Variants in GREM2 observed in about 807,000 individuals in gnomAD.
GREM2 encodes gremlin-2.
Under a neutral mutation model 14.2 loss-of-function variants are expected in GREM2, and 11 were observed. The ratio of observed to expected loss-of-function variants is 0.78; its 90% CI spans 0.49 to 1.28. The LOEUF is 1.28. GREM2 is among the 50% of genes most tolerant of loss of function. The pLI, the probability that GREM2 is intolerant of heterozygous loss-of-function variation, is 0.00. For synonymous variants in GREM2, 98 were observed against 97.6 expected, an observed-to-expected ratio of 1.00 and a Z score of -0.02; for missense variants, 210 against 218.5, an observed-to-expected ratio of 0.96 and a Z score of 0.24.
intron 1 of GREM2, among the ~76,000 whole-genome samples, chr1:240,522,807 A>T (rs1678133113): frequency 6.6e-6 from 1 of 152,210 alleles, no homozygotes. Context: ...CAACCAATGT[A>T]GATGTCCTTG....
At chr1:240,561,974 T>A (rs1427126961) in intron 1 of GREM2, among the ~76,000 whole-genome samples, 1 of 152,192 alleles carries the variant, frequency 6.6e-6, no homozygotes, top group Non-Finnish European at 1.5e-5. Flanking sequence ...TTTCACCTTG[T>A]AAACCACTTC....
intron 1 of GREM2, chr1:240,588,971 A>C (rs562719824): frequency 6.6e-6 from 1 of 151,916 alleles, no homozygotes; most frequent in South Asian, 2.1e-4. Context: ...TTAAAATTAA[A>C]AATTAGCTGG....
chr1:240,607,056 G>T (rs1004970565), intron 1 of GREM2, among the ~76,000 whole-genome samples: 3 of 152,178 alleles, frequency 2.0e-5, no homozygotes, highest in Non-Finnish European at 2.9e-5. Context: ...ATCTGTAAAT[G>T]AGGATAATAA....
At chr1:240,603,078 G>A (rs372841223) in intron 1 of GREM2, among the ~76,000 whole-genome samples, 17 of 151,764 alleles carry the variant, frequency 1.1e-4, no homozygotes, top group East Asian at 3.9e-4. Flanking sequence ...AGCGAGACTC[G>A]TCTCAAAAAA....
chr1:240,511,786 G>A (rs368130796), intron 1 of GREM2, among the ~76,000 whole-genome samples: 11 of 152,102 alleles, frequency 7.2e-5, no homozygotes, highest in African/African-American at 2.4e-4. Context: ...TTGAGCGTCC[G>A]TGGATTTCAG....
intron 1 of GREM2, among the ~76,000 whole-genome samples, chr1:240,546,829 G>A (rs1678733958): frequency 6.6e-6 from 1 of 152,012 alleles, no homozygotes; most frequent in Non-Finnish European, 1.5e-5. Flanking sequence ...TTACATGTCA[G>A]TAACACGAAG....
At chr1:240,589,435 CAGAAAAAAAGA>C (rs200000791) in intron 1 of GREM2, among the ~76,000 whole-genome samples, 9,299 of 133,626 alleles carry the variant, frequency 0.07, 432 homozygotes, top group African/African-American at 0.16. Flanking sequence ...AACTCCATCT[CAGAAAAAAAGA>C]AAAAAAAAAG....
At chr1:240,506,052 A>G (rs1677670486) in intron 1 of GREM2, among the ~76,000 whole-genome samples, 1 of 152,198 alleles carries the variant, frequency 6.6e-6, no homozygotes. Flanking sequence ...TCAATTAAAA[A>G]GTGTGAGAGG....
chr1:240,560,478 T>C (rs1021656025), intron 1 of GREM2, among the ~76,000 whole-genome samples: 2 of 152,192 alleles, frequency 1.3e-5, no homozygotes, highest in Non-Finnish European at 2.9e-5. Flanking sequence ...TTTAGGACTG[T>C]GTTTAGCACA....
intron 1 of GREM2, among the ~76,000 whole-genome samples, chr1:240,521,517 G>C (rs967570372): frequency 6.6e-6 from 1 of 152,030 alleles, no homozygotes; most frequent in African/African-American, 2.4e-5. Flanking sequence ...CTTACAGTGA[G>C]CCGAGATGGC....
chr1:240,562,944 GAGTGTGTA>G (rs1679086369), intron 1 of GREM2, among the ~76,000 whole-genome samples: 1 of 134,814 alleles, frequency 7.4e-6, no homozygotes, highest in African/African-American at 3.5e-5. Flanking sequence ...GTGAGTGTGT[GAGTGTGTA>G]TGTGTGTGAG....
intron 1 of GREM2, among the ~76,000 whole-genome samples, chr1:240,497,653 T>G (rs540278937): frequency 1.3e-5 from 2 of 150,538 alleles, no homozygotes; most frequent in Non-Finnish European, 1.5e-5. Context: ...AAAAAAAAGT[T>G]TTTTTTTTTT....
chr1:240,504,580 G>T (rs1324014800), intron 1 of GREM2, among the ~76,000 whole-genome samples: 1 of 152,098 alleles, frequency 6.6e-6, no homozygotes, highest in African/African-American at 2.4e-5. Flanking sequence ...CACTCTTATT[G>T]TGGTATATCG....
intron 1 of GREM2, among the ~76,000 whole-genome samples, chr1:240,607,771 T>TA (rs1197817478): frequency 6.6e-6 from 1 of 152,226 alleles, no homozygotes; most frequent in Non-Finnish European, 1.5e-5. Flanking sequence ...AATCAATCAA[T>TA]ATTCCATCAT....
chr1:240,552,643 G>A (rs1300747634), intron 1 of GREM2, among the ~76,000 whole-genome samples: 1 of 152,178 alleles, frequency 6.6e-6, no homozygotes, highest in Non-Finnish European at 1.5e-5. Context: ...CTTTAGGGCA[G>A]GTGTCAGGAG....
chr1:240,585,755 A>T (rs1449600695), intron 1 of GREM2, among the ~76,000 whole-genome samples: 2 of 146,286 alleles, frequency 1.4e-5, no homozygotes, highest in East Asian at 2.0e-4. Flanking sequence ...AAAAAAAAAA[A>T]AGAGAAAGAA....
chr1:240,533,189 GA>G (rs1052077087), intron 1 of GREM2, among the ~76,000 whole-genome samples: 3 of 152,156 alleles, frequency 2.0e-5, no homozygotes, highest in Non-Finnish European at 4.4e-5. Flanking sequence ...CTGGGAAAAT[GA>G]AAATCACTTC....
intron 1 of GREM2, chr1:240,589,305 C>T (rs945982593): frequency 4.6e-5 from 7 of 152,094 alleles, no homozygotes; most frequent in African/African-American, 1.7e-4. Flanking sequence ...CGTGGCGGCT[C>T]ATGCCTGTAA....
intron 1 of GREM2, among the ~76,000 whole-genome samples, chr1:240,506,038 G>T (rs1176350642): frequency 6.6e-6 from 1 of 152,046 alleles, no homozygotes; most frequent in Non-Finnish European, 1.5e-5. Flanking sequence ...GCAAATTTTA[G>T]ATGTCAATTA....
Sources: allele counts gnomAD v4.1 joint callset (sites outside exome capture counted in the v4.1 genomes callset), GRCh38; gene constraint gnomAD v4.1.1; transcripts MANE v1.5; gene names NCBI Gene and HGNC (gene_info 2026-07-23, HGNC 2026-07-21).